Variants in VLDLR observed in about 807,000 individuals in gnomAD.
VLDLR encodes very low density lipoprotein receptor, also known as very low-density lipoprotein receptor.
Under a neutral mutation model 112.7 loss-of-function variants are expected in VLDLR, and 81 were observed. The observed-to-expected ratio is 0.72, with a 90% CI of 0.60 to 0.86. The LOEUF (loss-of-function observed/expected upper bound fraction) is 0.86. Ranked by LOEUF, VLDLR falls within the 40% of genes least tolerant of loss-of-function variation. The pLI is 0.00. For missense variants in VLDLR, 1,237 were observed against 1,099.4 expected, an observed-to-expected ratio of 1.13 and a Z score of -1.77; for synonymous variants, 436 against 384.8, an observed-to-expected ratio of 1.13 and a Z score of -1.56.
rs1818558630 is a variant in VLDLR, at chr9:2,655,427, G to C, written c.*1559G>C. ...CTGTGTGTCACAAGTGAGGTGGAGA[G>C]TTGGCTGTGGAAGGTACAGCAATTC... On this transcript the variant is annotated 3_prime_UTR_variant, in exon 19 of 19. Transcript: ENST00000382100. 1 of 152,190 alleles carries C rather than the reference G, an allele frequency of 6.6e-6. No individual in the cohort carries two copies. The highest frequency in any genetic ancestry group is 2.4e-5 in the African/African-American group (1 of 41,438). 9.4% of individuals were successfully genotyped at this position (152,190 alleles called of 1,614,324 possible). A position where few individuals can be genotyped will look rare whatever the true frequency, so the allele number is the denominator to read the frequency against.
At chr9:2,648,928 C>T (rs1176623775) in intron 14 of VLDLR, 118 bp downstream of exon 14, 10 of 1,231,250 alleles carry the variant, frequency 8.1e-6, no homozygotes, top group South Asian at 1.3e-5. Context: ...AACTTTTGCC[C>T]TCCTGTACCC....
Position 2,636,847 on chromosome 9 carries a change from T to C in VLDLR, c.202+1275T>C, listed in dbSNP as rs889345702. On this transcript the variant is annotated intron_variant, in intron 2 of 18. Coordinates refer to ENST00000382100, the MANE Select transcript of VLDLR (RefSeq NM_003383.5). ...TCCTGTTGTAAGTTGCAATTTTTTTTCCTCTCTTCTAAACGATATATTTGG... is the reference window on the plus strand; with the variant it reads ...TCCTGTTGTAAGTTGCAATTTTTTTCCCTCTCTTCTAAACGATATATTTGG... 7.2e-5 allele frequency among the ~76,000 whole-genome samples: 11 copies of C among 152,338 alleles called. No individual in the cohort carries two copies. The East Asian group carries it at 1.3e-3, about 19-fold the overall frequency.
In VLDLR at chr9:2,659,195, T is replaced by C. The variant is rs10812407; in HGVS notation, c.*5327T>C. The C allele has an allele frequency of 0.53, 81,164 of 152,080 alleles. 22,649 individuals carry two copies. Among genetic ancestry groups the C allele is most frequent in the East Asian group, 0.96 (4,963 of 5,174 alleles). The allele number at this position is 152,080 out of a possible 1,614,324, so 9.4% of individuals were successfully genotyped here. On this transcript the variant is annotated 3_prime_UTR_variant, in exon 19 of 19. Coordinates refer to ENST00000382100, the MANE Select transcript of VLDLR (RefSeq NM_003383.5). Reference sequence around the variant, plus strand: ...ATCTCCATTTTACATAGGTAAAAACTGAGGCTACAAACAATCTATGGTTCC... The same window carrying C: ...ATCTCCATTTTACATAGGTAAAAACCGAGGCTACAAACAATCTATGGTTCC...
At position 2,622,244 on chromosome 9, in the gene VLDLR, C is replaced by T; in HGVS notation, c.55C>T (p.Pro19Ser). The T allele has an allele frequency of 6.7e-7, 1 of 1,495,876 alleles. No individual in the cohort carries two copies. The highest frequency in any genetic ancestry group is 2.8e-5 in the East Asian group (1 of 36,288). 92.7% of individuals were successfully genotyped at this position (1,495,876 alleles called of 1,614,324 possible). A position where few individuals can be genotyped will look rare whatever the true frequency, so the allele number is the denominator to read the frequency against. ...GCTGCTGCTCGCGCTGTGCTGGGCG[C>T]CCCGGGAGAGCGGCGCCACCGGAAC... Reference protein sequence around the residue: ...LWLLLALCWAPRESGATGTGR... With the variant: ...LWLLLALCWASRESGATGTGR... The change falls in exon 1 of 19, where the codon CCC (proline) becomes TCC (serine). Residue 19 changes from proline (P) to serine (S), a missense_variant. Transcript: ENST00000382100.
In VLDLR at chr9:2,650,444, G is replaced by T. The variant is rs1194788300; in HGVS notation, c.2179G>T (p.Asp727Tyr). 6.2e-7 allele frequency: 1 copy of T among 1,614,104 alleles called. No individual in the cohort carries two copies. Among genetic ancestry groups the T allele is most frequent in the Admixed American group, 1.7e-5 (1 of 59,996 alleles). The change falls in exon 15 of 19, where the codon GAT becomes TAT. Residue 727 changes from aspartate (D) to tyrosine (Y), a missense_variant. Physicochemically the swap from Asp to Tyr is radical, Grantham distance 160. Transcript: ENST00000382100. ...ATGCCTGCCAGCACCACAGATTAAT[G>T]ATCACTCTCCAAAATATACCTGTTC... ...YLCLPAPQIN[D>Y]HSPKYTCSCP...
Position 2,643,949 on chromosome 9 carries a change from G to T in VLDLR, c.1056G>T (p.Leu352=), listed in dbSNP as rs769934852. The stretch of plus-strand genomic sequence containing the variant: ...GCAGGGACTGGAGTGATGAGCCCCT[G>T]AAAGAGTGTCGTAAGTGTACTTGTT... ...QDCRDWSDEP[L]KECHINECLV... The change falls in exon 7 of 19, where the codon CTG becomes CTT. Residue 352 remains leucine, a synonymous_variant. Coordinates refer to ENST00000382100, the MANE Select transcript of VLDLR (RefSeq NM_003383.5). The T allele has an allele frequency of 5.0e-6, 8 of 1,614,070 alleles. No individual in the cohort carries two copies. Among genetic ancestry groups the T allele is most frequent in the Non-Finnish European group, 6.8e-6 (8 of 1,180,016 alleles).
rs181077850 is a variant in VLDLR, at chr9:2,626,800, G to C, written c.82+4529G>C. On this transcript the variant is annotated intron_variant, in intron 1 of 18. Transcript: ENST00000382100. ...AGCCTCGGCGATAGACAGCATTTGT[G>C]AGTTACATCACAAGTTTGTTAGAAC... Among the ~76,000 whole-genome samples the C allele has an allele frequency of 5.7e-5, 6 of 104,954 alleles. No individual in the cohort carries two copies. In the East Asian group the frequency reaches 1.7e-3, roughly 29 times the overall value. 68.9% of individuals were successfully genotyped at this position (104,954 alleles called of 152,430 possible).
At chr9:2,635,645 A>C in intron 2 of VLDLR, 73 bp downstream of exon 2, 1 of 1,604,484 alleles carries the variant, frequency 6.2e-7, no homozygotes, top group South Asian at 1.1e-5. Context: ...ATGTATTGAG[A>C]TTCTGAAAAT....
Position 2,648,741 on chromosome 9 carries a change from G to A in VLDLR, c.2035G>A (p.Ala679Thr). ...CAATAAATTCACTGGATCAGAGCTA[G>A]CCACTCTAGTCAACAACCTGAATGA... ...GANKFTGSEL[A>T]TLVNNLNDAQ... The change falls in exon 14 of 19, where the codon GCC (alanine) becomes ACC (threonine). Residue 679 changes from alanine (A) to threonine (T), a missense_variant. Ala to Thr is a moderately conservative substitution (Grantham distance 58). Coordinates refer to ENST00000382100, the MANE Select transcript of VLDLR (RefSeq NM_003383.5). 1 of 1,614,154 alleles carries A rather than the reference G, an allele frequency of 6.2e-7. No homozygotes were observed. Among genetic ancestry groups the A allele is most frequent in the Non-Finnish European group, 8.5e-7 (1 of 1,180,026 alleles).
Position 2,655,030 on chromosome 9 carries a change from A to G in VLDLR, c.*1162A>G, listed in dbSNP as rs183390323. The G allele has an allele frequency of 6.6e-6, 1 of 152,368 alleles. No homozygotes were observed. Among genetic ancestry groups the G allele is most frequent in the Non-Finnish European group, 1.5e-5 (1 of 68,060 alleles). The allele number at this position is 152,368 out of a possible 1,614,324, so 9.4% of individuals were successfully genotyped here. ...CACCTGGGAATGTATTAGAAATGCA[A>G]GTTCCCAGCCCCATCCCAGACCTAC... is the stretch of plus-strand genomic sequence containing the variant. On this transcript the variant is annotated 3_prime_UTR_variant, in exon 19 of 19. Transcript: ENST00000382100.
At position 2,642,380 on chromosome 9, in the gene VLDLR, A is replaced by G. The variant is rs10967315; in HGVS notation, c.449-780A>G. Among the ~76,000 whole-genome samples the G allele has an allele frequency of 1.5e-3, 223 of 152,262 alleles. 5 individuals are homozygous for G. The East Asian group carries it at 0.036, about 25-fold the overall frequency. On this transcript the variant is annotated intron_variant, in intron 4 of 18. Coordinates refer to ENST00000382100, the MANE Select transcript of VLDLR (RefSeq NM_003383.5). ...GGTCAATACCACTGCACCTAGTCCAATGAGTTTTAGTGTTCAATCCTAGAA... is the reference window on the plus strand; with the variant it reads ...GGTCAATACCACTGCACCTAGTCCAGTGAGTTTTAGTGTTCAATCCTAGAA...
rs986312884 is a variant in VLDLR, at chr9:2,621,993, G to C, written c.-197G>C. On this transcript the variant is annotated 5_prime_UTR_variant, in exon 1 of 19. Coordinates refer to ENST00000382100, the MANE Select transcript of VLDLR (RefSeq NM_003383.5). ...CCGGGGAGGTGGCTGGGTGGGTGGG[G>C]AGGAGACTGTGCAAGTTGTAGGGGA... 1.5e-6 allele frequency: 1 copy of C among 654,332 alleles called. No homozygotes were observed. The highest frequency in any genetic ancestry group is 1.9e-5 in the African/African-American group (1 of 53,070). The allele number at this position is 654,332 out of a possible 1,614,324, so 40.5% of individuals were successfully genotyped here.
Position 2,652,779 on chromosome 9 carries a change from G to A in VLDLR, c.2417-1G>A. On this transcript the variant is annotated splice_acceptor_variant, in intron 17 of 18. Coordinates refer to ENST00000382100, the MANE Select transcript of VLDLR (RefSeq NM_003383.5). LOFTEE classifies it high-confidence loss of function. ...CTTAGCTACCCTCTGATTTTTTTCA[G>A]TGCTCTTAGTGATGGCAGCAGTAGG... The A allele has an allele frequency of 6.2e-7, 1 of 1,613,790 alleles. No individual in the cohort carries two copies. The highest frequency in any genetic ancestry group is 8.5e-7 in the Non-Finnish European group (1 of 1,179,916).
chr9:2,642,077 C>G (rs1247602151), intron 4 of VLDLR, among the ~76,000 whole-genome samples: 2 of 151,950 alleles, frequency 1.3e-5, no homozygotes, highest in Non-Finnish European at 2.9e-5. Context: ...CAGTTCCTGT[C>G]TCTGAAAGCT....
At chr9:2,627,780 G>A (rs546571085) in intron 1 of VLDLR, among the ~76,000 whole-genome samples, 71 of 151,204 alleles carry the variant, frequency 4.7e-4, no homozygotes, top group Non-Finnish European at 9.1e-4. Context: ...CAGGAGAATC[G>A]CTTGAACCCG....
rs565126363 is a variant in VLDLR at position 2,657,094 on chromosome 9, C to T, written c.*3226C>T. ...ACAGGGTATTAAAAGACTAACTCTT[C>T]AGTTAAGAACACTGTAGAAATGGTA... is the stretch of plus-strand genomic sequence containing the variant. On this transcript the variant is annotated 3_prime_UTR_variant, in exon 19 of 19. Transcript: ENST00000382100. The T allele has an allele frequency of 6.6e-6, 1 of 152,126 alleles. No individual in the cohort carries two copies. The highest frequency in any genetic ancestry group is 1.5e-5 in the Non-Finnish European group (1 of 68,014). 9.4% of individuals were successfully genotyped at this position (152,126 alleles called of 1,614,324 possible).
chr9:2,652,903 T>C lies in VLDLR; in HGVS notation c.2540T>C (p.Ile847Thr), dbSNP rs752241002. 1.2e-6 allele frequency: 2 copies of C among 1,614,014 alleles called. No homozygotes were observed. Among genetic ancestry groups the C allele is most frequent in the African/African-American group, 2.7e-5 (2 of 74,910 alleles). The change falls in exon 18 of 19, where the codon ATA becomes ACA. Residue 847 changes from isoleucine (I) to threonine (T), a missense_variant. Ile to Thr is a moderately conservative substitution (Grantham distance 89). Transcript: ENST00000382100. ...AAAACCACTGAAGAGGACCTCTCCA[T>C]AGACATTGGTAGACACAGTGCTTCT... ...YLKTTEEDLS[I>T]DIGRHSASVG...
chr9:2,641,548 A>C, intron 4 of VLDLR, 49 bp downstream of exon 4: 1 of 1,612,218 alleles, frequency 6.2e-7, no homozygotes, highest in Non-Finnish European at 8.5e-7. Context: ...CTTTTCCTAA[A>C]GGAAGGGTGG....
chr9:2,635,321 A>T, intron 1 of VLDLR, 132 bp from the exon 2 acceptor site: 1 of 1,379,468 alleles, frequency 7.2e-7, no homozygotes, highest in South Asian at 1.2e-5. Flanking sequence ...GAGCCATCCT[A>T]CTCTGGCCCT....
Sources: gnomAD v4.1 joint callset for allele counts (sites outside exome capture counted in the v4.1 genomes callset) on GRCh38, gnomAD v4.1.1 for gene constraint, MANE v1.5 for transcripts, NCBI Gene and HGNC (gene_info 2026-07-23, HGNC 2026-07-21) for gene names.